Variants in VGLL2 observed in about 807,000 individuals in gnomAD.
VGLL2 encodes the protein transcription cofactor vestigial-like protein 2.
A neutral mutation model predicts 27.0 loss-of-function variants in VGLL2; 18 were observed. The observed-to-expected ratio is 0.67, with a 90% CI of 0.46 to 0.99. VGLL2 has a LOEUF of 0.99. VGLL2 is among the 50% of genes least tolerant of loss of function. The pLI is 0.00. For missense variants in VGLL2, 491 were observed against 452.3 expected (o/e 1.09, Z -0.78); for synonymous variants, 220 against 201.1 (o/e 1.09, Z -0.80).
rs1301508901 is a variant in VGLL2 at position 117,265,862 on chromosome 6, G to A, written c.81+18G>A. ...ACCACCAGGTACGTGTCTCCTCTGG[G>A]GACTTTGGGAAGGAGTGCGCGCCCC... is the stretch of plus-strand genomic sequence containing the variant. On this transcript the variant is annotated intron_variant, in intron 1 of 3. Transcript: ENST00000326274. 1 of 1,611,080 alleles carries A rather than the reference G, an allele frequency of 6.2e-7. No homozygotes were observed. Among genetic ancestry groups the A allele is most frequent in the South Asian group, 1.1e-5 (1 of 90,974 alleles).
chr6:117,269,376 T>G (rs984801741), intron 2 of VGLL2, among the ~76,000 whole-genome samples: 2 of 152,210 alleles, frequency 1.3e-5, no homozygotes, highest in African/African-American at 4.8e-5. Flanking sequence ...GGGACTTTGT[T>G]GTAAAAACAA....
chr6:117,270,100 G>A (rs953269997), intron 2 of VGLL2, among the ~76,000 whole-genome samples: 1 of 152,262 alleles, frequency 6.6e-6, no homozygotes, highest in East Asian at 1.9e-4. Context: ...CCGACCAAGA[G>A]TGGGAAGAGG....
At chr6:117,270,501 T>C in intron 2 of VGLL2, 42 bp from the exon 3 acceptor site, 1 of 1,536,470 alleles carries the variant, frequency 6.5e-7, no homozygotes, top group African/African-American at 1.4e-5. Flanking sequence ...GACACGCACC[T>C]CTTTTCCTTT....
rs369677073 is a variant in VGLL2 at position 117,268,392 on chromosome 6, G to C, written c.292G>C (p.Val98Leu). 4.5e-5 allele frequency: 72 copies of C among 1,613,926 alleles called. No individual in the cohort carries two copies. The highest frequency in any genetic ancestry group is 5.8e-5 in the Non-Finnish European group (69 of 1,180,032). Residue 98 changes from valine to leucine, a missense_variant, in exon 2 of 4, where the codon GTG becomes CTG. Val to Leu is a conservative substitution (Grantham distance 32). Coordinates refer to ENST00000326274, the MANE Select transcript of VGLL2 (RefSeq NM_182645.3). ...FTYFQGDISSVVDEHFSRALS... is the reference protein window; with the variant it reads ...FTYFQGDISSLVDEHFSRALS... ...TTATTTCCAGGGGGACATCAGCTCC[G>C]TGGTGGATGAACATTTCAGCAGGGC... is the stretch of plus-strand genomic sequence containing the variant.
At chr6:117,271,111 T>G (rs1193503712) in intron 3 of VGLL2, 47 bp downstream of exon 3, 1 of 1,194,696 alleles carries the variant, frequency 8.4e-7, no homozygotes, top group Non-Finnish European at 1.0e-6. Context: ...CTCGGCCCCG[T>G]ACCCGACCCT....
Position 117,272,721 on chromosome 6 carries a change from C to T in VGLL2, c.*227C>T, listed in dbSNP as rs532216737. 15 of 584,184 alleles carry T rather than the reference C, an allele frequency of 2.6e-5. No homozygotes were observed. The highest frequency in any genetic ancestry group is 1.7e-4 in the African/African-American group (9 of 52,942). The allele number at this position is 584,184 out of a possible 1,614,324, so 36.2% of individuals were successfully genotyped here. A position where few individuals can be genotyped will look rare whatever the true frequency, so the allele number is the denominator to read the frequency against. ...TGAGTTATGTTTAATGACTTTTGGC[C>T]GAATCACTGGAAATATCTGTGGTGA... On this transcript the variant is annotated 3_prime_UTR_variant, in exon 4 of 4. Transcript: ENST00000326274.
chr6:117,270,897 G>T lies in VGLL2; in HGVS notation c.746G>T (p.Gly249Val). The change falls in exon 3 of 4, where the codon GGG (glycine) becomes GTG (valine). Residue 249 changes from glycine (G) to valine (V), a missense_variant. By Grantham distance (109) the Gly-to-Val change is moderately radical. Transcript: ENST00000326274. ...YGPLLMPAAS[G>V]RPARLATAPA... Reference sequence around the variant, plus strand: ...CCGCTGCTGATGCCAGCCGCCTCGGGGCGCCCGGCCCGCCTCGCAACCGCC... The same window carrying T: ...CCGCTGCTGATGCCAGCCGCCTCGGTGCGCCCGGCCCGCCTCGCAACCGCC... The T allele has an allele frequency of 7.8e-7, 1 of 1,277,440 alleles. No individual in the cohort carries two copies. Among genetic ancestry groups the T allele is most frequent in the Non-Finnish European group, 9.8e-7 (1 of 1,015,616 alleles). The allele number at this position is 1,277,440 out of a possible 1,614,324, so 79.1% of individuals were successfully genotyped here. A position where few individuals can be genotyped will look rare whatever the true frequency, so the allele number is the denominator to read the frequency against.
rs1349068975 is a variant in VGLL2, at chr6:117,270,863, C to T, written c.712C>T (p.Arg238Cys). Residue 238 changes from arginine to cysteine, a missense_variant, in exon 3 of 4, where the codon CGC becomes TGC. Transcript: ENST00000326274. ...AGTCTACGCGCCGCACTTCGACCCG[C>T]GCTATGGGCCGCTGCTGATGCCAGC... ...HEVYAPHFDP[R>C]YGPLLMPAAS... 6.4e-6 allele frequency: 9 copies of T among 1,396,900 alleles called. No homozygotes were observed. Among genetic ancestry groups the T allele is most frequent in the Non-Finnish European group, 8.4e-6 (9 of 1,073,972 alleles). The allele number at this position is 1,396,900 out of a possible 1,614,324, so 86.5% of individuals were successfully genotyped here.
intron 3 of VGLL2, 187 bp from the exon 4 acceptor site, chr6:117,272,267 C>T (rs368368021): frequency 2.0e-6 from 2 of 980,932 alleles, no homozygotes; most frequent in Non-Finnish European, 1.2e-6. Flanking sequence ...TCTTTCCCTC[C>T]CTCTCCACCT....
intron 1 of VGLL2, among the ~76,000 whole-genome samples, chr6:117,266,612 C>A (rs1026177762): frequency 3.3e-5 from 5 of 152,188 alleles, no homozygotes; most frequent in Non-Finnish European, 5.9e-5. Flanking sequence ...GCCAGTTTCT[C>A]TTGTCTTCAG....
intron 2 of VGLL2, among the ~76,000 whole-genome samples, chr6:117,269,255 T>C (rs970414105): frequency 6.6e-6 from 1 of 152,134 alleles, no homozygotes; most frequent in Non-Finnish European, 1.5e-5. Flanking sequence ...AAATCTCCCT[T>C]CTATTCTGAA....
Position 117,272,614 on chromosome 6 carries a change from G to C in VGLL2, c.*120G>C. 2 of 1,469,230 alleles carry C rather than the reference G, an allele frequency of 1.4e-6. No homozygotes were observed. The highest frequency in any genetic ancestry group is 1.3e-5 in the South Asian group (1 of 79,038). The allele number at this position is 1,469,230 out of a possible 1,614,324, so 91.0% of individuals were successfully genotyped here. A position where few individuals can be genotyped will look rare whatever the true frequency, so the allele number is the denominator to read the frequency against. On this transcript the variant is annotated 3_prime_UTR_variant, in exon 4 of 4. Transcript: ENST00000326274. ...GAAGGCAGAGACTTCAGACTTCTCAGTGTGTTGGGAAAACCAAAAACCACA... is the reference window on the plus strand; with the variant it reads ...GAAGGCAGAGACTTCAGACTTCTCACTGTGTTGGGAAAACCAAAAACCACA...
intron 1 of VGLL2, among the ~76,000 whole-genome samples, chr6:117,266,981 T>C (rs1428202735): frequency 2.0e-5 from 3 of 152,226 alleles, no homozygotes; most frequent in Non-Finnish European, 4.4e-5. Context: ...TCACCAGAGT[T>C]CCTCTTGTAG....
Position 117,273,071 on chromosome 6 carries a change from T to C in VGLL2, c.*577T>C, listed in dbSNP as rs1041361417. ...GTGAACATGGAAGCCTCAGCCTGAATGTGAGTGGCAAGTGGCTTATCTGGA... is the reference window on the plus strand; with the variant it reads ...GTGAACATGGAAGCCTCAGCCTGAACGTGAGTGGCAAGTGGCTTATCTGGA... On this transcript the variant is annotated 3_prime_UTR_variant, in exon 4 of 4. Transcript: ENST00000326274. 1 of 152,654 alleles carries C rather than the reference T, an allele frequency of 6.6e-6. No individual in the cohort carries two copies. Among genetic ancestry groups the C allele is most frequent in the African/African-American group, 2.4e-5 (1 of 41,406 alleles). The allele number at this position is 152,654 out of a possible 1,614,324, so 9.5% of individuals were successfully genotyped here. A position where few individuals can be genotyped will look rare whatever the true frequency, so the allele number is the denominator to read the frequency against.
chr6:117,270,969 G>A lies in VGLL2; in HGVS notation c.818G>A (p.Gly273Asp), dbSNP rs1773182483. ...GSPPCELSGK[G>D]EPAGAAWAGP... ...CCTCCCTGCGAGCTCTCCGGCAAAG[G>A]CGAGCCGGCGGGCGCCGCGTGGGCC... Residue 273 changes from glycine to aspartate, a missense_variant, in exon 3 of 4, where the codon GGC becomes GAC. Transcript: ENST00000326274. 1 of 1,231,842 alleles carries A rather than the reference G, an allele frequency of 8.1e-7. No individual in the cohort carries two copies. Among genetic ancestry groups the A allele is most frequent in the Non-Finnish European group, 1.0e-6 (1 of 990,884 alleles). 76.3% of individuals were successfully genotyped at this position (1,231,842 alleles called of 1,614,324 possible).
At chr6:117,272,241 T>TCTCTCC in intron 3 of VGLL2, 1 of 898,424 alleles carries the variant, frequency 1.1e-6, no homozygotes, top group Non-Finnish European at 1.3e-6. Context: ...TCTTCTTCTC[T>TCTCTCC]CTCTCCCTCT....
At position 117,270,538 on chromosome 6, in the gene VGLL2, T is replaced by C. The variant is rs1224888843; in HGVS notation, c.392-5T>C. 6.3e-7 allele frequency: 1 copy of C among 1,591,834 alleles called. No individual in the cohort carries two copies. The highest frequency in any genetic ancestry group is 1.7e-5 in the Admixed American group (1 of 58,534). ...CTCCACTCCGCCTCCCCGGCCGGCCTACAGACTGCTCCTTCCCGATGAGCC... is the reference window on the plus strand; with the variant it reads ...CTCCACTCCGCCTCCCCGGCCGGCCCACAGACTGCTCCTTCCCGATGAGCC... On this transcript the variant is annotated splice_region_variant and splice_polypyrimidine_tract_variant and intron_variant, in intron 2 of 3. Coordinates refer to ENST00000326274, the MANE Select transcript of VGLL2 (RefSeq NM_182645.3).
intron 2 of VGLL2, 38 bp from the exon 3 acceptor site, chr6:117,270,505 T>C: frequency 6.5e-7 from 1 of 1,541,816 alleles, no homozygotes; most frequent in Admixed American, 1.9e-5. Flanking sequence ...CGCACCTCTT[T>C]TCCTTTCCTC....
Position 117,265,704 on chromosome 6 carries a change from T to G in VGLL2, c.-60T>G, listed in dbSNP as rs1412298344. ...CCAAGCGCCGCCCATGCAGCACCCC[T>G]GAGCTCCGGGGAAGGAGAGTTAATG... On this transcript the variant is annotated 5_prime_UTR_variant, in exon 1 of 4. It removes the in-frame stop codon of an upstream open reading frame in the 5' UTR. Transcript: ENST00000326274. The G allele has an allele frequency of 7.4e-6, 11 of 1,477,044 alleles. No individual in the cohort carries two copies. The South Asian group carries it at 9.2e-5, about 12-fold the overall frequency. The allele number at this position is 1,477,044 out of a possible 1,614,324, so 91.5% of individuals were successfully genotyped here.
Sources: allele counts gnomAD v4.1 joint callset (sites outside exome capture counted in the v4.1 genomes callset), GRCh38; gene constraint gnomAD v4.1.1; transcripts MANE v1.5; gene names NCBI Gene and HGNC (gene_info 2026-07-23, HGNC 2026-07-21).